GGA2: variants seen among roughly 807,000 people sequenced by gnomAD.
GGA2 encodes ADP-ribosylation factor-binding protein GGA2.
A neutral mutation model predicts 79.5 loss-of-function variants in GGA2; 48 were observed. That is an observed-to-expected ratio of 0.60 (90% CI 0.48 to 0.77). The LOEUF is 0.77. GGA2 is among the 30% of genes least tolerant of loss of function. The pLI, the probability that GGA2 is intolerant of heterozygous loss-of-function variation, is 0.00. For missense variants in GGA2, 770 were observed against 774.0 expected (o/e 0.99, Z 0.06); for synonymous variants, 317 against 302.0 (o/e 1.05, Z -0.51).
intron 8 of GGA2, among the ~76,000 whole-genome samples, 170 bp downstream of exon 8, chr16:23,485,845 G>A (rs1469454848): frequency 2.6e-5 from 4 of 152,176 alleles, no homozygotes; most frequent in African/African-American, 9.7e-5. Flanking sequence ...TGGGGACTGG[G>A]GAGCAAGGGA....
chr16:23,522,590 G>C (rs573597556), upstream of GGA2: 4 of 152,274 alleles, frequency 2.6e-5, no homozygotes, highest in East Asian at 7.7e-4. Flanking sequence ...GTATTAGAAA[G>C]AACTGGTATA....
At chr16:23,488,060 C>T (rs1567364335) in intron 6 of GGA2, among the ~76,000 whole-genome samples, 1 of 152,034 alleles carries the variant, frequency 6.6e-6, no homozygotes, top group East Asian at 1.9e-4. Context: ...CAAGGAATAA[C>T]GGTTTGGGGA....
chr16:23,499,627 G>A (rs1490035948), intron 1 of GGA2, among the ~76,000 whole-genome samples: 2 of 152,024 alleles, frequency 1.3e-5, no homozygotes, highest in Non-Finnish European at 2.9e-5. Context: ...TTGAGAGGCC[G>A]AGGCGGGAAG....
upstream of GGA2, chr16:23,523,102 G>C (rs959199001): frequency 6.6e-6 from 1 of 152,228 alleles, no homozygotes; most frequent in African/African-American, 2.4e-5. Context: ...GGTTACACAA[G>C]TCAGGCCTAT....
At chr16:23,471,631 G>T (rs1228337356) in intron 14 of GGA2, among the ~76,000 whole-genome samples, 1 of 152,108 alleles carries the variant, frequency 6.6e-6, no homozygotes, top group Non-Finnish European at 1.5e-5. Context: ...TGGGTATGGT[G>T]TCTCATGCCT....
chr16:23,509,088 A>G (rs970207116), intron 1 of GGA2, among the ~76,000 whole-genome samples: 3 of 152,096 alleles, frequency 2.0e-5, no homozygotes, highest in African/African-American at 7.2e-5. Flanking sequence ...TCTCCGCCCA[A>G]TTTAGCACCA....
chr16:23,471,800 G>A (rs9939086), intron 14 of GGA2, among the ~76,000 whole-genome samples: 12,890 of 152,108 alleles, frequency 0.085, 964 homozygotes, highest in African/African-American at 0.2. Flanking sequence ...TAGCTACCTG[G>A]GGGTCTGAGG....
chr16:23,468,209 C>T (rs181224539), intron 16 of GGA2, among the ~76,000 whole-genome samples: 108 of 152,248 alleles, frequency 7.1e-4, no homozygotes, highest in African/African-American at 2.4e-3. Flanking sequence ...GATAGAGTCT[C>T]GCTCTGTCAC....
chr16:23,510,835 G>A (rs1437364684), upstream of GGA2, among the ~76,000 whole-genome samples: 1 of 152,112 alleles, frequency 6.6e-6, no homozygotes, highest in Non-Finnish European at 1.5e-5. Flanking sequence ...GTCTCCGGAG[G>A]AGCTGGGACT....
Position 23,470,129 on chromosome 16 carries a change from C to A in GGA2, c.1487G>T (p.Gly496Val), listed in dbSNP as rs760553146. Residue 496 changes from glycine (G) to valine (V), a missense_variant, in exon 15 of 17, where the codon GGA (glycine) becomes GTA (valine). Transcript: ENST00000309859. ...LPPLIVYDRN[G>V]FRILLHFSQT... ...GGAGAAGTGGAGCAGAATTCTGAAT[C>A]CATTCCGGTCATACACAATGAGAGG... 6.2e-7 allele frequency: 1 copy of A among 1,608,672 alleles called. No individual in the cohort carries two copies. The highest frequency in any genetic ancestry group is 8.5e-7 in the Non-Finnish European group (1 of 1,177,764).
At chr16:23,489,297 T>C (rs1964753521) in intron 5 of GGA2, among the ~76,000 whole-genome samples, 1 of 152,224 alleles carries the variant, frequency 6.6e-6, no homozygotes, top group Admixed American at 6.5e-5. Context: ...TGCAGTGGTG[T>C]GATCATGGCT....
At chr16:23,508,844 C>T (rs1365876792) in intron 1 of GGA2, among the ~76,000 whole-genome samples, 4 of 152,174 alleles carry the variant, frequency 2.6e-5, no homozygotes, top group African/African-American at 9.6e-5. Flanking sequence ...CCTTCTCTGC[C>T]TAAACCAGCT....
chr16:23,478,824 C>G (rs753917578), intron 12 of GGA2, 59 bp downstream of exon 12: 1 of 1,215,510 alleles, frequency 8.2e-7, no homozygotes, highest in Non-Finnish European at 1.2e-6. Flanking sequence ...TGCTGCCTCA[C>G]AAGGGCAGGT....
At chr16:23,524,064 T>C (rs949346322), upstream of GGA2, 3 of 359,056 alleles carry the variant, frequency 8.4e-6, no homozygotes, top group African/African-American at 4.2e-5. Flanking sequence ...CCTTCTGCAC[T>C]GTTCCGGGAT....
upstream of GGA2, among the ~76,000 whole-genome samples, chr16:23,512,894 A>T (rs546891049): frequency 1.3e-5 from 2 of 151,850 alleles, no homozygotes; most frequent in East Asian, 3.9e-4. Context: ...TAGTAGAGAC[A>T]GCGTTTCACC....
At chr16:23,520,760 A>G (rs976402154) in intron 1 of GGA2, among the ~76,000 whole-genome samples, 5 of 151,428 alleles carry the variant, frequency 3.3e-5, no homozygotes, top group Admixed American at 6.6e-5. Context: ...TCACTTGAGG[A>G]AGTAGCAACA....
chr16:23,486,241 G>A, intron 7 of GGA2, 89 bp from the exon 8 acceptor site: 5 of 1,209,806 alleles, frequency 4.1e-6, no homozygotes, highest in South Asian at 2.6e-5. Flanking sequence ...ACTATTGAGA[G>A]AGCTCGCTCA....
Position 23,467,579 on chromosome 16 carries a change from CT to C in GGA2, c.*10del. On this transcript the variant is annotated 3_prime_UTR_variant, in exon 17 of 17. Coordinates refer to ENST00000309859, the MANE Select transcript of GGA2 (RefSeq NM_015044.4). Reference sequence around the variant, plus strand: ...CCTAAGCTTGAAATGAAGGGTCCATCTTGTGAAAAGTTAGGCTGCGCCCAAG... The same window carrying C: ...CCTAAGCTTGAAATGAAGGGTCCATCTGTGAAAAGTTAGGCTGCGCCCAAG... The C allele has an allele frequency of 7.5e-7, 1 of 1,334,754 alleles. No individual in the cohort carries two copies. The highest frequency in any genetic ancestry group is 1.1e-6 in the Non-Finnish European group (1 of 926,606). 82.7% of individuals were successfully genotyped at this position (1,334,754 alleles called of 1,614,324 possible).
In GGA2 at chr16:23,478,417, C is replaced by G; in HGVS notation, c.1243G>C (p.Asp415His). 6.2e-7 allele frequency: 1 copy of G among 1,611,648 alleles called. No individual in the cohort carries two copies. Among genetic ancestry groups the G allele is most frequent in the South Asian group, 1.1e-5 (1 of 90,826 alleles). ...GAGAGGAGGTCCAGCAAATTCCTGT[C>G]TGCAGAAGGGTTCTGAACACCACCG... ...PGGGVQNPSA[D>H]RNLLDLLSAQ... is the part of the protein sequence containing the mutation. The change falls in exon 13 of 17, where the codon GAC (aspartate) becomes CAC (histidine). Residue 415 changes from aspartate (D) to histidine (H), a missense_variant. Transcript: ENST00000309859.
Sources: gnomAD v4.1 joint callset for allele counts (sites outside exome capture counted in the v4.1 genomes callset) on GRCh38, gnomAD v4.1.1 for gene constraint, MANE v1.5 for transcripts, NCBI Gene and HGNC (gene_info 2026-07-23, HGNC 2026-07-21) for gene names.